The following ZNF653 variants were observed in gnomAD, a reference collection of about 807,000 sequenced individuals.
The protein encoded by ZNF653 is zinc finger protein 653.
A neutral mutation model predicts 59.9 loss-of-function variants in ZNF653; 37 were observed. The observed-to-expected ratio is 0.62, with a 90% CI of 0.48 to 0.81. The LOEUF (loss-of-function observed/expected upper bound fraction) is 0.81. ZNF653 is among the 40% of genes least tolerant of loss of function. ZNF653 has a pLI of 0.00. For missense variants in ZNF653, 808 were observed against 881.1 expected (o/e 0.92, Z 1.05); for synonymous variants, 435 against 371.8 (o/e 1.17, Z -1.96).
At chr19:11,494,754 G>A (rs1653222989) in intron 3 of ZNF653, among the ~76,000 whole-genome samples, 1 of 152,150 alleles carries the variant, frequency 6.6e-6, no homozygotes, top group African/African-American at 2.4e-5. Context: ...AAGCTGCTCT[G>A]GGCACCACCC....
At position 11,505,304 on chromosome 19, in the gene ZNF653, G is replaced by A. The variant is rs988351014; in HGVS notation, c.299+184C>T. 23 of 580,128 alleles carry A rather than the reference G, an allele frequency of 4.0e-5. No individual in the cohort carries two copies. The African/African-American group carries it at 4.6e-4, about 11-fold the overall frequency. 35.9% of individuals were successfully genotyped at this position (580,128 alleles called of 1,614,324 possible). On this transcript the variant is annotated intron_variant, in intron 1 of 8. Transcript: ENST00000293771. ...CTAGGATTGGGCAGTCGGAACGATG[G>A]GAGGCGGGGCCACGAGCCAGGCGCG...
chr19:11,493,823 A>G (rs1971553841), intron 3 of ZNF653, among the ~76,000 whole-genome samples: 1 of 152,086 alleles, frequency 6.6e-6, no homozygotes, highest in South Asian at 2.1e-4. Context: ...GTTTGAGACC[A>G]GCCTGGGCAA....
chr19:11,505,360 C>T, intron 1 of ZNF653, 128 bp downstream of exon 1: 1 of 1,029,072 alleles, frequency 9.7e-7, no homozygotes, highest in Non-Finnish European at 1.3e-6. Flanking sequence ...ACCCAGGCCG[C>T]CGGCCCGGCT....
chr19:11,486,672 C>A, intron 6 of ZNF653, 97 bp downstream of exon 6: 1 of 1,088,222 alleles, frequency 9.2e-7, no homozygotes, highest in Non-Finnish European at 1.3e-6. Flanking sequence ...GACACCTCGT[C>A]AAATTTCAAG....
At chr19:11,486,942 C>A in intron 5 of ZNF653, 45 bp downstream of exon 5, 1 of 1,610,336 alleles carries the variant, frequency 6.2e-7, no homozygotes, top group Non-Finnish European at 8.5e-7. Flanking sequence ...GGCCTGCGGG[C>A]CGCTTCTAGC....
chr19:11,498,184 C>T (rs898434540), intron 2 of ZNF653, 112 bp downstream of exon 2: 34 of 1,455,678 alleles, frequency 2.3e-5, no homozygotes, highest in Non-Finnish European at 3.1e-5. Flanking sequence ...TCGGGCTCTG[C>T]TGGTTCCAAC....
chr19:11,504,635 T>G (rs1362296615), intron 1 of ZNF653: 1 of 897,490 alleles, frequency 1.1e-6, no homozygotes, highest in Non-Finnish European at 1.3e-6. Flanking sequence ...CAGAGAAACA[T>G]GAGAACATGT....
At chr19:11,493,530 C>T (rs1971550778) in intron 3 of ZNF653, among the ~76,000 whole-genome samples, 1 of 152,116 alleles carries the variant, frequency 6.6e-6, no homozygotes, top group Non-Finnish European at 1.5e-5. Context: ...GAGGATCAGC[C>T]CCTCTTTCTG....
At position 11,483,731 on chromosome 19, in the gene ZNF653, C is replaced by T. The variant is rs754009215; in HGVS notation, c.1799G>A (p.Ser600Asn). Residue 600 changes from serine to asparagine, a missense_variant, in exon 9 of 9, where the codon AGC becomes AAC. By Grantham distance (46) the Ser-to-Asn change is conservative. Transcript: ENST00000293771. ...RCGKRFEKLD[S>N]VKFHTLKSHP... Reference sequence around the variant, plus strand: ...GCTTTTGAGCGTGTGGAACTTGACGCTGTCCAGCTTCTCGAAGCGCTTCCC... The same window carrying T: ...GCTTTTGAGCGTGTGGAACTTGACGTTGTCCAGCTTCTCGAAGCGCTTCCC... 6.2e-7 allele frequency: 1 copy of T among 1,613,744 alleles called. No homozygotes were observed. Among genetic ancestry groups the T allele is most frequent in the South Asian group, 1.1e-5 (1 of 91,074 alleles).
chr19:11,492,800 C>T (rs2144941624), intron 3 of ZNF653, among the ~76,000 whole-genome samples: 1 of 152,376 alleles, frequency 6.6e-6, no homozygotes, highest in East Asian at 1.9e-4. Flanking sequence ...GAATCAATCT[C>T]TGCTCCCTAG....
intron 1 of ZNF653, 29 bp from the exon 2 acceptor site, chr19:11,498,368 A>T (rs2144948521): frequency 1.2e-6 from 2 of 1,613,778 alleles, no homozygotes; most frequent in South Asian, 2.2e-5. Context: ...GAGAGGGTGA[A>T]CGGGGGACCA....
Position 11,490,962 on chromosome 19 carries a change from C to A in ZNF653, c.560-3059G>T, listed in dbSNP as rs148281022. Among the ~76,000 whole-genome samples the A allele has an allele frequency of 2.6e-3, 402 of 152,254 alleles. 1 individual carries two copies. The highest frequency in any genetic ancestry group is 9.0e-3 in the African/African-American group (375 of 41,540). ...AAAGTCCTGGGGCTCTTGTTGACTT[C>A]TCTCTCTCTCACACCCACTTCCAAT... On this transcript the variant is annotated intron_variant, in intron 3 of 8. Coordinates refer to ENST00000293771, the MANE Select transcript of ZNF653 (RefSeq NM_138783.4).
intron 3 of ZNF653, among the ~76,000 whole-genome samples, chr19:11,492,311 G>A (rs113393966): frequency 6.6e-6 from 1 of 152,062 alleles, no homozygotes. Context: ...CCAAAGTGCT[G>A]GGATTACAGG....
chr19:11,484,001 C>A, intron 8 of ZNF653, 41 bp downstream of exon 8: 5 of 1,543,950 alleles, frequency 3.2e-6, no homozygotes, highest in Non-Finnish European at 4.4e-6. Flanking sequence ...GGATCCCCTC[C>A]CACCCAATCC....
chr19:11,487,746 C>T lies in ZNF653; in HGVS notation c.717G>A (p.Gln239=), dbSNP rs922092493. 1 of 1,613,414 alleles carries T rather than the reference C, an allele frequency of 6.2e-7. No homozygotes were observed. The highest frequency in any genetic ancestry group is 1.3e-5 in the African/African-American group (1 of 75,050). ...SPVGSSGLIT[Q]EGVHIPFDVH... is the part of the protein sequence containing the mutation. ...CGTCAAAGGGAATGTGCACGCCCTC[C>T]TGAGTGATGAGCCCGCTGCTGCCCA... The change falls in exon 4 of 9, where the codon CAG becomes CAA. Residue 239 remains glutamine (Q), a synonymous_variant. Transcript: ENST00000293771. The surrounding 1 kb of genome is among the most constrained non-coding windows in gnomAD (Gnocchi z 5.1).
intron 1 of ZNF653, among the ~76,000 whole-genome samples, chr19:11,501,498 T>C (rs625417): frequency 0.24 from 36,764 of 151,904 alleles, 8,063 homozygotes; most frequent in African/African-American, 0.59. Context: ...CATTTCCCCG[T>C]TTTGTCACAG....
chr19:11,483,535 G>A lies in ZNF653; in HGVS notation c.*147C>T. The A allele has an allele frequency of 7.1e-7, 1 of 1,405,750 alleles. No individual in the cohort carries two copies. The highest frequency in any genetic ancestry group is 2.7e-5 in the East Asian group (1 of 36,828). 87.1% of individuals were successfully genotyped at this position (1,405,750 alleles called of 1,614,324 possible). On this transcript the variant is annotated 3_prime_UTR_variant, in exon 9 of 9. Coordinates refer to ENST00000293771, the MANE Select transcript of ZNF653 (RefSeq NM_138783.4). ...TGCGGTGGGGCGGGGTGGGGAACCT[G>A]CCCAGGGGGCCCAGCTCTGGGGCGG... is the stretch of plus-strand genomic sequence containing the variant.
chr19:11,493,415 A>G (rs17447356), intron 3 of ZNF653, among the ~76,000 whole-genome samples: 1 of 152,142 alleles, frequency 6.6e-6, no homozygotes, highest in Non-Finnish European at 1.5e-5. Flanking sequence ...GTAGGAGATT[A>G]AAAGTATGTA....
rs537471212 is a variant in ZNF653 at position 11,495,032 on chromosome 19, C to T, written c.559+918G>A. Among the ~76,000 whole-genome samples the T allele has an allele frequency of 1.0e-3, 152 of 152,270 alleles. No homozygotes were observed. The highest frequency in any genetic ancestry group is 3.4e-3 in the Middle Eastern group (1 of 294). ...ACGGTCGTTGGCGGGGGCGCCCACCCGGAACACCTCTCGCCCCCGGCTTCC... is the reference window on the plus strand; with the variant it reads ...ACGGTCGTTGGCGGGGGCGCCCACCTGGAACACCTCTCGCCCCCGGCTTCC... On this transcript the variant is annotated intron_variant, in intron 3 of 8. Transcript: ENST00000293771. This position sits in a 1 kb window ranked among gnomAD's most constrained non-coding sequence, Gnocchi z 4.9.
Sources: gnomAD v4.1 joint callset for allele counts (sites outside exome capture counted in the v4.1 genomes callset) on GRCh38, gnomAD v4.1.1 for gene constraint, Gnocchi (gnomAD v3.1) non-coding constraint, MANE v1.5 for transcripts, NCBI Gene and HGNC (gene_info 2026-07-23, HGNC 2026-07-21) for gene names.